The following ALDH1L2 variants were observed in gnomAD, a reference collection of about 807,000 sequenced individuals.
ALDH1L2 encodes mitochondrial 10-formyltetrahydrofolate dehydrogenase.
Under a neutral mutation model 111.0 loss-of-function variants are expected in ALDH1L2, and 91 were observed. That is an observed-to-expected ratio of 0.82 (90% CI 0.69 to 0.98). The LOEUF (loss-of-function observed/expected upper bound fraction) is 0.98, where lower values mean the gene tolerates loss of function less well. Among genes scored for constraint, ALDH1L2 ranks in the 50% least tolerant of loss-of-function variants. ALDH1L2 has a pLI of 0.00. For missense variants in ALDH1L2, 995 were observed against 1,126.8 expected (o/e 0.88, Z 1.67); for synonymous variants, 374 against 392.6 (o/e 0.95, Z 0.56).
intron 20 of ALDH1L2, among the ~76,000 whole-genome samples, 193 bp downstream of exon 20, chr12:105,031,576 G>A (rs1874697737): frequency 6.6e-6 from 1 of 152,126 alleles, no homozygotes; most frequent in South Asian, 2.1e-4. Context: ...CTCCGCTCAC[G>A]TTAACCTGCC....
intron 1 of ALDH1L2, among the ~76,000 whole-genome samples, chr12:105,075,053 C>A (rs1877969057): frequency 6.6e-6 from 1 of 152,222 alleles, no homozygotes. Flanking sequence ...ATCTTCAAAT[C>A]CTATAACTAA....
intron 16 of ALDH1L2, 63 bp from the exon 17 acceptor site, chr12:105,039,869 G>A (rs1169246153): frequency 3.2e-5 from 46 of 1,448,548 alleles, no homozygotes; most frequent in African/African-American, 1.4e-4. Flanking sequence ...GGTGGCTTAC[G>A]CCTGTAATCC....
chr12:105,058,158 A>G lies in ALDH1L2; in HGVS notation c.1202T>C (p.Met401Thr), dbSNP rs764950476. The change falls in exon 10 of 23, where the codon ATG (methionine) becomes ACG (threonine). Residue 401 changes from methionine (M) to threonine (T), a missense_variant. Transcript: ENST00000258494. ...GATAAAGCCTTCAAACTTGGTGGCCATATAGACATCTTCATTCTGCAACTG... is the reference window on the plus strand; with the variant it reads ...GATAAAGCCTTCAAACTTGGTGGCCGTATAGACATCTTCATTCTGCAACTG... The part of the protein sequence containing the change: ...GLQLQNEDVY[M>T]ATKFEGFIQK... The G allele has an allele frequency of 1.4e-5, 23 of 1,613,582 alleles. No individual in the cohort carries two copies. The highest frequency in any genetic ancestry group is 8.9e-5 in the East Asian group (4 of 44,842).
chr12:105,078,037 C>G (rs1047763361), intron 1 of ALDH1L2, among the ~76,000 whole-genome samples: 5 of 149,284 alleles, frequency 3.3e-5, no homozygotes, highest in African/African-American at 1.2e-4. Flanking sequence ...ACTCATCCAA[C>G]AAGCATGTTT....
At chr12:105,040,525 A>C (rs893860856) in intron 16 of ALDH1L2, 82 bp downstream of exon 16, 1 of 1,213,636 alleles carries the variant, frequency 8.2e-7, no homozygotes, top group Non-Finnish European at 1.2e-6. Flanking sequence ...AATTCAGGAC[A>C]AGTCTCTAGA....
Position 105,058,243 on chromosome 12 carries a change from C to T in ALDH1L2, c.1140-23G>A, listed in dbSNP as rs376256243. On this transcript the variant is annotated intron_variant, in intron 9 of 22. Coordinates refer to ENST00000258494, the MANE Select transcript of ALDH1L2 (RefSeq NM_001034173.4). ...AGCCTTAAAGTAAAAACCAGCTTCG[C>T]GTTACTTAGATTTTTAAAAGGGGTT... is the stretch of plus-strand genomic sequence containing the variant. 12 of 1,581,342 alleles carry T rather than the reference C, an allele frequency of 7.6e-6. No individual in the cohort carries two copies. In the African/African-American group the frequency reaches 8.2e-5, roughly 11 times the overall value.
chr12:105,079,583 G>A (rs1412287001), intron 1 of ALDH1L2, among the ~76,000 whole-genome samples: 1 of 152,184 alleles, frequency 6.6e-6, no homozygotes, highest in Non-Finnish European at 1.5e-5. Flanking sequence ...TAAAGGGAGA[G>A]ACAGTCCAAA....
Position 105,068,814 on chromosome 12 carries a change from G to C in ALDH1L2, c.499C>G (p.Pro167Ala). 1 of 1,608,518 alleles carries C rather than the reference G, an allele frequency of 6.2e-7. No homozygotes were observed. Among genetic ancestry groups the C allele is most frequent in the South Asian group, 1.1e-5 (1 of 89,962 alleles). Residue 167 changes from proline (P) to alanine (A), a missense_variant, in exon 4 of 23, where the codon CCC becomes GCC. Pro to Ala is a conservative substitution (Grantham distance 27). Coordinates refer to ENST00000258494, the MANE Select transcript of ALDH1L2 (RefSeq NM_001034173.4). The stretch of plus-strand genomic sequence containing the variant: ...TCACATGATCTCTGAAGAAGGATGG[G>C]TCCTGTATCCAAGCCATCATCAGCC... The part of the protein sequence containing the change: ...FWADDGLDTG[P>A]ILLQRSCDVE...
intron 10 of ALDH1L2, among the ~76,000 whole-genome samples, chr12:105,054,116 CTG>C (rs1257283529): frequency 6.6e-6 from 1 of 152,062 alleles, no homozygotes; most frequent in Non-Finnish European, 1.5e-5. Flanking sequence ...TAGGAGCAAA[CTG>C]TGGCTTAGGG....
chr12:105,026,482 T>G, intron 22 of ALDH1L2, 63 bp downstream of exon 22: 1 of 1,584,474 alleles, frequency 6.3e-7, no homozygotes, highest in East Asian at 2.2e-5. Context: ...TCATGAAACA[T>G]AGAGCAGATT....
chr12:105,030,730 A>T (rs1315824917), intron 20 of ALDH1L2, among the ~76,000 whole-genome samples: 1 of 152,234 alleles, frequency 6.6e-6, no homozygotes, highest in African/African-American at 2.4e-5. Context: ...AATTCCAGAT[A>T]TCATAATTTT....
chr12:105,059,687 G>A (rs951967711), intron 9 of ALDH1L2, among the ~76,000 whole-genome samples: 23 of 152,198 alleles, frequency 1.5e-4, no homozygotes, highest in African/African-American at 5.3e-4. Context: ...ACGTTGTCTA[G>A]TTTACACTGT....
At chr12:105,067,637 T>C (rs1342591314) in intron 4 of ALDH1L2, among the ~76,000 whole-genome samples, 1 of 152,156 alleles carries the variant, frequency 6.6e-6, no homozygotes, top group Non-Finnish European at 1.5e-5. Flanking sequence ...AGCCTCCCAT[T>C]TTCACTGCGA....
intron 16 of ALDH1L2, among the ~76,000 whole-genome samples, chr12:105,040,080 C>T (rs905298397): frequency 7.3e-6 from 1 of 136,552 alleles, no homozygotes; most frequent in Non-Finnish European, 1.5e-5. Flanking sequence ...GGGCCAAGAT[C>T]GCGCCTTTGC....
chr12:105,039,689 G>A (rs1370475692), intron 17 of ALDH1L2, 24 bp downstream of exon 17: 2 of 1,600,520 alleles, frequency 1.2e-6, no homozygotes, highest in Non-Finnish European at 1.7e-6. Context: ...GATCTGCAGT[G>A]AATCAACATT....
At chr12:105,037,956 G>T in intron 18 of ALDH1L2, 147 bp downstream of exon 18, 1 of 543,160 alleles carries the variant, frequency 1.8e-6, no homozygotes, top group Non-Finnish European at 3.2e-6. Context: ...TACTAGAGAC[G>T]GGGTTTCACC....
In ALDH1L2 at chr12:105,026,630, T is replaced by C; in HGVS notation, c.2631A>G (p.Gly877=). 6.2e-7 allele frequency: 1 copy of C among 1,614,196 alleles called. No homozygotes were observed. The highest frequency in any genetic ancestry group is 8.5e-7 in the Non-Finnish European group (1 of 1,180,034). ...AMYVSEKLEA[G]TVFINTYNKT... ...TGTTGTATGTGTTAATAAAAACAGT[T>C]CCTGCTTCCAGTTTTTCACTCACAT... The change falls in exon 22 of 23, where the codon GGA becomes GGG. Residue 877 remains glycine (G), a synonymous_variant. Transcript: ENST00000258494.
Position 105,055,481 on chromosome 12 carries a change from T to A in ALDH1L2, c.1288-2550A>T, listed in dbSNP as rs145180811. ...GGTCTGCTTTCTGGAGTTACCACAT[T>A]CTATTATTTTAAATGACCACCTTTC... On this transcript the variant is annotated intron_variant, in intron 10 of 22. Coordinates refer to ENST00000258494, the MANE Select transcript of ALDH1L2 (RefSeq NM_001034173.4). Among the ~76,000 whole-genome samples the A allele has an allele frequency of 3.0e-3, 459 of 152,164 alleles. 4 individuals carry two copies. Among genetic ancestry groups the A allele is most frequent in the African/African-American group, 0.011 (438 of 41,508 alleles).
rs1874078395 is a variant in ALDH1L2, at chr12:105,019,906, T to C, written c.*4518A>G. 2 of 152,214 alleles carry C rather than the reference T, an allele frequency of 1.3e-5. No individual in the cohort carries two copies. Among genetic ancestry groups the C allele is most frequent in the Admixed American group, 6.5e-5 (1 of 15,284 alleles). 9.4% of individuals were successfully genotyped at this position (152,214 alleles called of 1,614,324 possible). A position where few individuals can be genotyped will look rare whatever the true frequency, so the allele number is the denominator to read the frequency against. On this transcript the variant is annotated 3_prime_UTR_variant, in exon 23 of 23. Transcript: ENST00000258494. Reference sequence around the variant, plus strand: ...TATGTAAAAAAAGTATACATATTCATAGAAAAAGTTTGGAACAATCTCAGA... The same window carrying C: ...TATGTAAAAAAAGTATACATATTCACAGAAAAAGTTTGGAACAATCTCAGA...
Sources: gnomAD v4.1 joint callset for allele counts (sites outside exome capture counted in the v4.1 genomes callset) on GRCh38, gnomAD v4.1.1 for gene constraint, MANE v1.5 for transcripts, NCBI Gene and HGNC (gene_info 2026-07-23, HGNC 2026-07-21) for gene names.